TARS3: variants seen among roughly 807,000 people sequenced by gnomAD.
TARS3 encodes the protein threonine--tRNA ligase 2, cytoplasmic.
A neutral mutation model predicts 103.5 loss-of-function variants in TARS3; 94 were observed. That is an observed-to-expected ratio of 0.91 (90% CI 0.77 to 1.08). The LOEUF is 1.08. Among genes scored for constraint, TARS3 ranks in the 50% least tolerant of loss-of-function variants. TARS3 has a pLI of 0.00. For missense variants in TARS3, 952 were observed against 995.2 expected (o/e 0.96, Z 0.58); for synonymous variants, 416 against 355.4 (o/e 1.17, Z -1.92).
intron 15 of TARS3, among the ~76,000 whole-genome samples, chr15:101,663,473 A>T (rs1897460542): frequency 6.6e-6 from 1 of 150,898 alleles, no homozygotes; most frequent in Non-Finnish European, 1.5e-5. Context: ...TTCACACAAC[A>T]ATGATATTGC....
chr15:101,722,642 T>TAAAAAAA (rs35018220), intron 2 of TARS3, among the ~76,000 whole-genome samples: 2 of 58,754 alleles, frequency 3.4e-5, no homozygotes, highest in African/African-American at 1.6e-4. Flanking sequence ...CCATCTCTAC[T>TAAAAAAA]AAAAAAAAAA....
rs572522384 is a variant in TARS3, at chr15:101,667,912, A to C, written c.1967+3574T>G. ...CCTGGCCCTGGAGATGGTTCTTTTA[A>C]CTTCATGAACCAACCTCTTGCTAGT... On this transcript the variant is annotated intron_variant, in intron 15 of 18. Transcript: ENST00000335968. Among the ~76,000 whole-genome samples the C allele has an allele frequency of 1.4e-4, 21 of 152,134 alleles. No individual in the cohort carries two copies. In the East Asian group the frequency reaches 3.9e-3, roughly 28 times the overall value.
chr15:101,661,316 T>C (rs1023615206), intron 16 of TARS3, among the ~76,000 whole-genome samples: 1 of 151,344 alleles, frequency 6.6e-6, no homozygotes, highest in African/African-American at 2.4e-5. Context: ...AGGCAAACAA[T>C]ATGGGTTGAA....
At chr15:101,713,432 T>A (rs1899962692) in intron 4 of TARS3, among the ~76,000 whole-genome samples, 1 of 152,156 alleles carries the variant, frequency 6.6e-6, no homozygotes, top group African/African-American at 2.4e-5. Context: ...TTTACACACA[T>A]CATTTGATAG....
rs752062752 is a variant in TARS3 at position 101,654,676 on chromosome 15, TTG to T, written c.2313_2314del (p.Asp771GlufsTer14). On this transcript the variant is annotated frameshift_variant, in exon 19 of 19. Coordinates refer to ENST00000335968, the MANE Select transcript of TARS3 (RefSeq NM_152334.3). LOFTEE classifies it high-confidence loss of function. ...TACTAAAATCTCTCCATGAATTTTG[TTG>T]TCTCTTGTTCGCACGTTTACAGCAT... is the stretch of plus-strand genomic sequence containing the variant. 6 of 1,614,170 alleles carry T rather than the reference TTG, an allele frequency of 3.7e-6. No homozygotes were observed. The highest frequency in any genetic ancestry group is 5.1e-6 in the Non-Finnish European group (6 of 1,179,992).
chr15:101,654,503 G>T lies in TARS3; in HGVS notation c.*79C>A. ...ACCCATCAGTGGCTCCAAAGTCGTA[G>T]AAGTACTAACATGTTAAGAAAAATA... On this transcript the variant is annotated 3_prime_UTR_variant, in exon 19 of 19. Transcript: ENST00000335968. 6.7e-7 allele frequency: 1 copy of T among 1,501,044 alleles called. No homozygotes were observed. The highest frequency in any genetic ancestry group is 9.0e-7 in the Non-Finnish European group (1 of 1,107,844). The allele number at this position is 1,501,044 out of a possible 1,614,324, so 93.0% of individuals were successfully genotyped here.
chr15:101,705,396 AG>A (rs1467317908), intron 7 of TARS3, among the ~76,000 whole-genome samples: 1 of 152,196 alleles, frequency 6.6e-6, no homozygotes, highest in East Asian at 1.9e-4. Context: ...AGAACGTGGA[AG>A]GACAGAATAG....
At chr15:101,704,003 C>A in intron 7 of TARS3, 66 bp from the exon 8 acceptor site, 1 of 1,150,640 alleles carries the variant, frequency 8.7e-7, no homozygotes, top group South Asian at 1.4e-5. Flanking sequence ...CATTATAAGC[C>A]ATAATATCCT....
chr15:101,659,726 TATAAAC>T (rs1290230964), intron 16 of TARS3, among the ~76,000 whole-genome samples: 1 of 152,188 alleles, frequency 6.6e-6, no homozygotes, highest in African/African-American at 2.4e-5. Flanking sequence ...TGGAAAGAAA[TATAAAC>T]ATGTTAACTC....
At chr15:101,657,902 GCTA>G in intron 16 of TARS3, 45 bp from the exon 17 acceptor site, 1 of 1,170,642 alleles carries the variant, frequency 8.5e-7, no homozygotes, top group East Asian at 2.6e-5. Context: ...TGTAATAATG[GCTA>G]CTTATTACAT....
intron 16 of TARS3, among the ~76,000 whole-genome samples, chr15:101,660,998 G>GT (rs1897353249): frequency 6.6e-6 from 1 of 152,140 alleles, no homozygotes; most frequent in Non-Finnish European, 1.5e-5. Context: ...AATCTAATTA[G>GT]TTCTAAATCT....
Position 101,709,167 on chromosome 15 carries a change from G to T in TARS3, c.813-257C>A, listed in dbSNP as rs535777445. On this transcript the variant is annotated intron_variant, in intron 5 of 18. Coordinates refer to ENST00000335968, the MANE Select transcript of TARS3 (RefSeq NM_152334.3). ...AAGCCCTGCTAGGAGACACCCAGGT[G>T]GACTGTGAGCTCCTCTGAGGCCTGT... Among the ~76,000 whole-genome samples the T allele has an allele frequency of 2.0e-5, 3 of 152,310 alleles. No homozygotes were observed. In the South Asian group the frequency reaches 6.2e-4, roughly 32 times the overall value.
At position 101,708,887 on chromosome 15, in the gene TARS3, G is replaced by A; in HGVS notation, c.836C>T (p.Ser279Leu). Reference sequence around the variant, plus strand: ...GGCTTTACATATATTCTCCAGGGCTGACAATTCTGTGCTGGACACTGCTCT... The same window carrying A: ...GGCTTTACATATATTCTCCAGGGCTAACAATTCTGTGCTGGACACTGCTCT... The part of the protein sequence containing the change: ...EDRAVSSTEL[S>L]ALENICKAII... Residue 279 changes from serine (S) to leucine (L), a missense_variant, in exon 6 of 19, where the codon TCA becomes TTA. Around this residue, in one of 2 missense-constraint regions of TARS3, gnomAD observed 412 missense variants for 364.2 expected, o/e 1.13. Transcript: ENST00000335968. The A allele has an allele frequency of 1.2e-6, 2 of 1,606,434 alleles. No individual in the cohort carries two copies. Among genetic ancestry groups the A allele is most frequent in the Non-Finnish European group, 1.7e-6 (2 of 1,177,200 alleles).
chr15:101,703,599 AAAAAT>A (rs1038958899), intron 8 of TARS3, among the ~76,000 whole-genome samples: 1 of 152,320 alleles, frequency 6.6e-6, no homozygotes. Context: ...CAGAAAAATA[AAAAAT>A]AAAATAAAAT....
chr15:101,703,896 C>G lies in TARS3; in HGVS notation c.1037G>C (p.Arg346Thr), dbSNP rs374608231. ...LIDLCKGPHV[R>T]HTGKIKTIKI... The stretch of plus-strand genomic sequence containing the variant: ...GATGGTTTTAATTTTTCCAGTGTGT[C>G]TTACATGTGGACCTTTGCAAAGGTC... Residue 346 changes from arginine to threonine, a missense_variant, in exon 8 of 19, where the codon AGA becomes ACA. Coordinates refer to ENST00000335968, the MANE Select transcript of TARS3 (RefSeq NM_152334.3). 1.7e-5 allele frequency: 28 copies of G among 1,613,060 alleles called. No individual in the cohort carries two copies. Among genetic ancestry groups the G allele is most frequent in the Non-Finnish European group, 2.4e-5 (28 of 1,179,706 alleles).
rs764493028 is a variant in TARS3, at chr15:101,701,064, A to G, written c.1320+22T>C. On this transcript the variant is annotated intron_variant, in intron 10 of 18. Coordinates refer to ENST00000335968, the MANE Select transcript of TARS3 (RefSeq NM_152334.3). ...TGTAAACTGGAATTGAATAAGAATA[A>G]AACATTTTAAAGTTAACTTACTCGT... is the stretch of plus-strand genomic sequence containing the variant. 12 of 1,431,666 alleles carry G rather than the reference A, an allele frequency of 8.4e-6. No individual in the cohort carries two copies. The African/African-American group carries it at 1.7e-4, about 21-fold the overall frequency. The allele number at this position is 1,431,666 out of a possible 1,614,324, so 88.7% of individuals were successfully genotyped here.
chr15:101,709,982 C>A lies in TARS3; in HGVS notation c.813-1072G>T, dbSNP rs187034144. Among the ~76,000 whole-genome samples the A allele has an allele frequency of 2.6e-3, 399 of 152,336 alleles. 7 individuals carry two copies. Among genetic ancestry groups the A allele is most frequent in the Admixed American group, 0.025 (379 of 15,304 alleles). ...CCCCTAGGTAGCTTCAGAGCAGGAA[C>A]TGGTCACCACAAAGACCAAGGCATG... On this transcript the variant is annotated intron_variant, in intron 5 of 18. Transcript: ENST00000335968.
Position 101,671,659 on chromosome 15 carries a change from T to G in TARS3, c.1866+12A>C. ...TTACATTTTGCTGTTTTGAAGCATGTGGTCGACTCACTTTAGGGCCATAAA... is the reference window on the plus strand; with the variant it reads ...TTACATTTTGCTGTTTTGAAGCATGGGGTCGACTCACTTTAGGGCCATAAA... On this transcript the variant is annotated intron_variant, in intron 14 of 18. Transcript: ENST00000335968. 1 of 1,613,812 alleles carries G rather than the reference T, an allele frequency of 6.2e-7. No homozygotes were observed. Among genetic ancestry groups the G allele is most frequent in the Non-Finnish European group, 8.5e-7 (1 of 1,179,776 alleles).
intron 5 of TARS3, 145 bp downstream of exon 5, chr15:101,711,735 G>A (rs763838155): frequency 1.7e-5 from 15 of 889,104 alleles, no homozygotes; most frequent in Middle Eastern, 3.0e-4. Flanking sequence ...AGTTGAACTC[G>A]GATTTTCAAC....
Sources: gnomAD v4.1 joint callset for allele counts (sites outside exome capture counted in the v4.1 genomes callset) on GRCh38, gnomAD v4.1.1 for gene constraint, gnomAD v4.1.1 regional missense constraint, MANE v1.5 for transcripts, NCBI Gene and HGNC (gene_info 2026-07-23, HGNC 2026-07-21) for gene names.